MEF2A: variants seen among roughly 807,000 people sequenced by gnomAD.
The protein encoded by MEF2A is myocyte enhancer factor 2A, also known as myocyte-specific enhancer factor 2A.
In MEF2A, 28 loss-of-function variants were observed where a neutral mutation model predicts 55.8. The ratio of observed to expected loss-of-function variants is 0.50; its 90% CI spans 0.37 to 0.69. MEF2A has a LOEUF of 0.69. MEF2A is among the 30% of genes least tolerant of loss of function. The probability of loss-of-function intolerance (pLI) is 0.00; values close to 1 mark genes in which losing one functional copy is unlikely to be tolerated. For synonymous variants in MEF2A, 239 were observed against 227.1 expected (o/e 1.05, Z -0.47); for missense variants, 528 against 626.2 (o/e 0.84, Z 1.67).
intron 1 of MEF2A, among the ~76,000 whole-genome samples, chr15:99,578,501 AATC>A (rs1258492103): frequency 6.6e-6 from 1 of 152,158 alleles, no homozygotes; most frequent in East Asian, 1.9e-4. Flanking sequence ...CCAACCCTGT[AATC>A]ATCTTCTTTC....
intron 4 of MEF2A, among the ~76,000 whole-genome samples, chr15:99,653,792 G>A (rs2076217117): frequency 6.6e-6 from 1 of 152,004 alleles, no homozygotes; most frequent in Non-Finnish European, 1.5e-5. Flanking sequence ...TATGCACGTT[G>A]GACTTTATCT....
intron 4 of MEF2A, among the ~76,000 whole-genome samples, chr15:99,658,611 AAAAC>A (rs1452878262): frequency 1.3e-5 from 2 of 152,120 alleles, no homozygotes; most frequent in African/African-American, 4.8e-5. Flanking sequence ...TGTAAAAAAA[AAAAC>A]AAACAAAAAC....
chr15:99,654,589 G>A (rs1380433042), intron 4 of MEF2A, among the ~76,000 whole-genome samples: 2 of 150,052 alleles, frequency 1.3e-5, no homozygotes, highest in East Asian at 3.9e-4. Context: ...AAAGGGGGGG[G>A]TATTGGTTAT....
chr15:99,639,802 T>C (rs531481123), intron 3 of MEF2A, among the ~76,000 whole-genome samples: 1 of 152,334 alleles, frequency 6.6e-6, no homozygotes, highest in African/African-American at 2.4e-5. Context: ...TTTATTCTTT[T>C]TTCTGGTCTT....
chr15:99,680,176 C>A (rs545067589), intron 7 of MEF2A, among the ~76,000 whole-genome samples: 1 of 152,156 alleles, frequency 6.6e-6, no homozygotes, highest in South Asian at 2.1e-4. Flanking sequence ...GTTGCTCATT[C>A]TCCAGAGGAA....
intron 2 of MEF2A, among the ~76,000 whole-genome samples, chr15:99,616,167 A>G (rs1445498795): frequency 6.6e-6 from 1 of 152,182 alleles, no homozygotes; most frequent in Non-Finnish European, 1.5e-5. Flanking sequence ...GAAAATTGAG[A>G]TACTTAAAAA....
At chr15:99,670,194 A>G (rs528660799) in intron 4 of MEF2A, among the ~76,000 whole-genome samples, 13 of 152,344 alleles carry the variant, frequency 8.5e-5, no homozygotes, top group African/African-American at 2.9e-4. Flanking sequence ...GTACTGGACA[A>G]GTTATTTCAT....
chr15:99,639,023 G>C (rs1174222165), intron 3 of MEF2A, among the ~76,000 whole-genome samples: 1 of 152,018 alleles, frequency 6.6e-6, no homozygotes, highest in African/African-American at 2.4e-5. Context: ...CCTAAAAGCA[G>C]ACATCCTCAT....
intron 2 of MEF2A, among the ~76,000 whole-genome samples, chr15:99,601,810 TG>T (rs1973124445): frequency 4.3e-4 from 1 of 2,310 alleles, no homozygotes; most frequent in African/African-American, 5.0e-4. Context: ...GTCTGTTTTG[TG>T]TGTGTGTGTG....
chr15:99,675,742 A>C (rs2051862324), intron 7 of MEF2A, among the ~76,000 whole-genome samples: 1 of 152,184 alleles, frequency 6.6e-6, no homozygotes, highest in South Asian at 2.1e-4. Flanking sequence ...AAAGATAATT[A>C]ACATATTTGT....
chr15:99,636,208 C>T (rs2153429731), intron 3 of MEF2A, among the ~76,000 whole-genome samples: 1 of 152,200 alleles, frequency 6.6e-6, no homozygotes, highest in South Asian at 2.1e-4. Context: ...AGTCTGTTCA[C>T]TTCATTTTGT....
intron 2 of MEF2A, among the ~76,000 whole-genome samples, chr15:99,621,763 A>G (rs976206872): frequency 3.3e-5 from 5 of 152,168 alleles, no homozygotes; most frequent in Non-Finnish European, 7.3e-5. Flanking sequence ...TAGATCCTTA[A>G]AGATTTTCTT....
At chr15:99,622,702 C>CTTTTTTTTTTTTTTT (rs56054040) in intron 2 of MEF2A, among the ~76,000 whole-genome samples, 17 of 135,696 alleles carry the variant, frequency 1.3e-4, no homozygotes, top group Non-Finnish European at 1.9e-4. Flanking sequence ...GTTTTCTTTT[C>CTTTTTTTTTTTTTTT]TTTTTTTTTT....
intron 7 of MEF2A, among the ~76,000 whole-genome samples, chr15:99,675,821 T>C (rs2153652379): frequency 6.6e-6 from 1 of 152,276 alleles, no homozygotes; most frequent in African/African-American, 2.4e-5. Flanking sequence ...GCAGATTGCC[T>C]GAGCTGAAGA....
In MEF2A at chr15:99,690,349, G is replaced by C; in HGVS notation, c.779G>C (p.Gly260Ala). The C allele has an allele frequency of 6.2e-7, 1 of 1,613,534 alleles. No homozygotes were observed. Among genetic ancestry groups the C allele is most frequent in the East Asian group, 2.2e-5 (1 of 44,882 alleles). Residue 260 changes from glycine to alanine, a missense_variant, in exon 8 of 12, where the codon GGT becomes GCT. Gly to Ala is a moderately conservative substitution (Grantham distance 60). Transcript: ENST00000557942. ...AAGTCTCCCCCTCCACCAGGTGGTGGTAATCTTGGAATGAACAGTAGGAAA... is the reference window on the plus strand; with the variant it reads ...AAGTCTCCCCCTCCACCAGGTGGTGCTAATCTTGGAATGAACAGTAGGAAA... ...PTKSPPPPGG[G>A]NLGMNSRKPD...
At chr15:99,688,454 C>T (rs2054724757) in intron 7 of MEF2A, among the ~76,000 whole-genome samples, 1 of 152,156 alleles carries the variant, frequency 6.6e-6, no homozygotes, top group Non-Finnish European at 1.5e-5. Context: ...TTCTGAGTCT[C>T]AAAATGACTT....
chr15:99,692,842 C>T (rs1038416120), intron 8 of MEF2A, among the ~76,000 whole-genome samples: 3 of 152,184 alleles, frequency 2.0e-5, no homozygotes, highest in Non-Finnish European at 4.4e-5. Context: ...AACATTATCA[C>T]TCTTAGGGCA....
chr15:99,595,757 G>A (rs952432973), intron 1 of MEF2A, among the ~76,000 whole-genome samples: 1 of 152,202 alleles, frequency 6.6e-6, no homozygotes, highest in African/African-American at 2.4e-5. Context: ...CACAGAACGC[G>A]TCATTGAAGT....
chr15:99,691,055 A>C (rs982494733), intron 8 of MEF2A, among the ~76,000 whole-genome samples: 2 of 151,854 alleles, frequency 1.3e-5, no homozygotes, highest in African/African-American at 2.4e-5. Context: ...GAATGTAACA[A>C]ATATTCACAT....
Sources: allele counts gnomAD v4.1 joint callset (sites outside exome capture counted in the v4.1 genomes callset), GRCh38; gene constraint gnomAD v4.1.1; transcripts MANE v1.5; gene names NCBI Gene and HGNC (gene_info 2026-07-23, HGNC 2026-07-21).